NCOR2: variants seen among roughly 807,000 people sequenced by gnomAD.
NCOR2 encodes the protein nuclear receptor corepressor 2, also known as CTG repeat protein 26.
In NCOR2, 81 loss-of-function variants were observed where a neutral mutation model predicts 262.9. The ratio of observed to expected loss-of-function variants is 0.31; its 90% CI spans 0.26 to 0.37. The LOEUF is 0.37. NCOR2 is among the 10% of genes least tolerant of loss of function. The probability of loss-of-function intolerance (pLI) is 1.00; values close to 1 mark genes in which losing one functional copy is unlikely to be tolerated. For synonymous variants in NCOR2, 1,659 were observed against 1,559.3 expected (o/e 1.06, Z -1.51); for missense variants, 3,385 against 3,621.4 (o/e 0.93, Z 1.68).
intron 13 of NCOR2, among the ~76,000 whole-genome samples, chr12:124,405,211 G>T (rs1349227965): frequency 2.0e-5 from 3 of 152,160 alleles, no homozygotes; most frequent in African/African-American, 7.2e-5. Context: ...ATCGCTCATG[G>T]CACCACGTGC....
chr12:124,402,213 G>A (rs548781346), intron 14 of NCOR2, among the ~76,000 whole-genome samples, 191 bp downstream of exon 16: 1 of 152,224 alleles, frequency 6.6e-6, no homozygotes, highest in South Asian at 2.1e-4. Flanking sequence ...GGGAGCCAGG[G>A]AGGAGGAGTA....
At chr12:124,484,430 C>T (rs1449262124) in intron 2 of NCOR2, among the ~76,000 whole-genome samples, 1 of 152,234 alleles carries the variant, frequency 6.6e-6, no homozygotes, top group African/African-American at 2.4e-5. Context: ...ACTAAGCACA[C>T]CCCACGGAGC....
intron 16 of NCOR2, among the ~76,000 whole-genome samples, chr12:124,390,121 G>T (rs1461206913): frequency 6.6e-6 from 1 of 152,162 alleles, no homozygotes; most frequent in Non-Finnish European, 1.5e-5. Context: ...ACCACATCAG[G>T]GATCTGGGCC....
intron 44 of NCOR2, among the ~76,000 whole-genome samples, chr12:124,328,289 G>A (rs2034867833): frequency 6.6e-6 from 1 of 152,330 alleles, no homozygotes; most frequent in East Asian, 1.9e-4. Context: ...GCCATGAGGA[G>A]AAAGAGGTGC....
chr12:124,337,140 A>T, exon 38 of NCOR2: 1 of 1,517,228 alleles, frequency 6.6e-7, no homozygotes, highest in Non-Finnish European at 8.9e-7. Context: ...GCAGGTGGGA[A>T]TGTGGCAGCC....
At chr12:124,479,287 C>CATGCACACTCACGCACATGCTT (rs1442869523) in intron 3 of NCOR2, among the ~76,000 whole-genome samples, 3 of 152,026 alleles carry the variant, frequency 2.0e-5, no homozygotes, top group Admixed American at 1.3e-4. Flanking sequence ...CATATACACA[C>CATGCACACTCACGCACATGCTT]ATGCACACTC....
intron 13 of NCOR2, among the ~76,000 whole-genome samples, chr12:124,409,471 A>G (rs2042448442): frequency 6.6e-6 from 1 of 152,224 alleles, no homozygotes; most frequent in African/African-American, 2.4e-5. Context: ...CCAGCTCCCT[A>G]TAAAAGCTGC....
intron 18 of NCOR2, 140 bp from the exon 21 acceptor site, chr12:124,374,603 A>C (rs917570200): frequency 6.1e-5 from 49 of 807,926 alleles, no homozygotes; most frequent in Non-Finnish European, 7.2e-5. Context: ...TCCTGCCCCG[A>C]CTGCCCTTCT....
At chr12:124,493,817 G>T (rs2048226597) in intron 1 of NCOR2, among the ~76,000 whole-genome samples, 1 of 152,212 alleles carries the variant, frequency 6.6e-6, no homozygotes, top group Non-Finnish European at 1.5e-5. Context: ...GCACGGGGGA[G>T]TGGGGGGACA....
At chr12:124,349,201 G>A (rs537167218) in intron 28 of NCOR2, among the ~76,000 whole-genome samples, 108 of 152,340 alleles carry the variant, frequency 7.1e-4, no homozygotes, top group African/African-American at 2.3e-3. Flanking sequence ...CAGGCAGAGA[G>A]GTGAACAGAC....
intron 5 of NCOR2, among the ~76,000 whole-genome samples, chr12:124,458,741 C>G (rs143063441): frequency 6.6e-6 from 1 of 152,206 alleles, no homozygotes; most frequent in Non-Finnish European, 1.5e-5. Flanking sequence ...CCAGGATCCA[C>G]GGACAGAGGA....
At position 124,475,096 on chromosome 12, in the gene NCOR2, T is replaced by C. The variant is rs201644063; in HGVS notation, c.412-1965A>G. ...GGGGCCAAGAGTCTTGGAGTCACATTAGGTTTGCCTCTGGCCTCTGTTACC... is the reference window on the plus strand; with the variant it reads ...GGGGCCAAGAGTCTTGGAGTCACATCAGGTTTGCCTCTGGCCTCTGTTACC... On this transcript the variant is annotated intron_variant, in intron 3 of 46. Coordinates refer to ENST00000405201, the Ensembl canonical transcript of NCOR2. Among the ~76,000 whole-genome samples the C allele has an allele frequency of 2.6e-5, 4 of 152,080 alleles. No individual in the cohort carries two copies. In the East Asian group the frequency reaches 7.7e-4, roughly 29 times the overall value.
At chr12:124,557,488 G>A (rs545101149) in intron 1 of NCOR2, among the ~76,000 whole-genome samples, 6 of 152,248 alleles carry the variant, frequency 3.9e-5, no homozygotes, top group African/African-American at 1.4e-4. Context: ...CCTCTTATAA[G>A]GACACGGGCC....
At chr12:124,441,245 A>G (rs948086436) in intron 7 of NCOR2, among the ~76,000 whole-genome samples, 2 of 152,200 alleles carry the variant, frequency 1.3e-5, no homozygotes, top group Admixed American at 1.3e-4. Context: ...AGTGACTTTA[A>G]GTCAAGAATT....
At chr12:124,429,473 AC>A (rs2043792178) in intron 10 of NCOR2, 139 bp downstream of exon 12, 1 of 848,584 alleles carries the variant, frequency 1.2e-6, no homozygotes. Context: ...CTCAATACCC[AC>A]CTTGATTCCA....
chr12:124,351,059 G>A (rs1048108337), intron 27 of NCOR2, among the ~76,000 whole-genome samples: 4 of 152,174 alleles, frequency 2.6e-5, no homozygotes, highest in African/African-American at 9.7e-5. Context: ...CCGAGGCACA[G>A]GGAGGCACAG....
intron 13 of NCOR2, among the ~76,000 whole-genome samples, chr12:124,408,129 C>T (rs931578813): frequency 3.3e-5 from 5 of 152,038 alleles, no homozygotes; most frequent in Admixed American, 6.5e-5. Flanking sequence ...CCGAGGCCGG[C>T]GGATCATGAG....
chr12:124,538,313 G>T (rs992318579), upstream of NCOR2: 3 of 152,438 alleles, frequency 2.0e-5, no homozygotes, highest in African/African-American at 7.2e-5. Context: ...GTCCAAAGAG[G>T]GGTTCCCAAT....
In NCOR2 at chr12:124,504,225, G is replaced by C. The variant is rs529871397; in HGVS notation, c.-117-8857C>G. 1.8e-4 allele frequency among the ~76,000 whole-genome samples: 27 copies of C among 152,340 alleles called. No individual in the cohort carries two copies. The highest frequency in any genetic ancestry group is 6.3e-4 in the African/African-American group (26 of 41,572). On this transcript the variant is annotated intron_variant, in intron 1 of 46. Transcript: ENST00000404621. The surrounding 1 kb of genome is among the most constrained non-coding windows in gnomAD (Gnocchi z 4.5). ...ACCCCGGGTAGATGTACAGGGTAGA[G>C]ATACGTGGGCCAGGTTAAAGCCAGA...
Sources: gnomAD v4.1 joint callset for allele counts (sites outside exome capture counted in the v4.1 genomes callset) on GRCh38, gnomAD v4.1.1 for gene constraint, Gnocchi (gnomAD v3.1) non-coding constraint, MANE v1.5 for transcripts, NCBI Gene and HGNC (gene_info 2026-07-23, HGNC 2026-07-21) for gene names.